Variants in DNAH14 observed in about 807,000 individuals in gnomAD.
DNAH14 encodes the protein axonemal beta dynein heavy chain 14.
DNAH14 carries 478 observed loss-of-function variants against 520.9 expected under a neutral mutation model. The observed-to-expected ratio is 0.92, with a 90% CI of 0.85 to 0.99. The LOEUF is 0.99. Ranked by LOEUF, DNAH14 falls within the 50% of genes least tolerant of loss-of-function variation. The probability of loss-of-function intolerance (pLI) is 0.00; values close to 1 mark genes in which losing one functional copy is unlikely to be tolerated. For missense variants in DNAH14, 4,831 were observed against 5,234.5 expected, an observed-to-expected ratio of 0.92 and a Z score of 2.38; for synonymous variants, 1,581 against 1,757.2, an observed-to-expected ratio of 0.90 and a Z score of 2.51.
chr1:225,244,100 T>C (rs565866034), intron 43 of DNAH14, among the ~76,000 whole-genome samples: 1 of 152,312 alleles, frequency 6.6e-6, no homozygotes, highest in African/African-American at 2.4e-5. Flanking sequence ...TCTATTGAGA[T>C]AATCATATGT....
intron 5 of DNAH14, among the ~76,000 whole-genome samples, chr1:224,966,645 A>G (rs2061186244): frequency 6.6e-6 from 1 of 152,158 alleles, no homozygotes; most frequent in Non-Finnish European, 1.5e-5. Flanking sequence ...CCATTTCCTG[A>G]ATTTGTGACT....
chr1:225,358,398 A>C, intron 73 of DNAH14, 98 bp from the exon 74 acceptor site: 1 of 1,138,628 alleles, frequency 8.8e-7, no homozygotes, highest in Middle Eastern at 3.1e-4. Context: ...TGAAAAGCTA[A>C]AAAATGAATA....
chr1:225,160,867 G>A (rs1282675672), intron 35 of DNAH14, among the ~76,000 whole-genome samples: 2 of 151,624 alleles, frequency 1.3e-5, no homozygotes, highest in African/African-American at 4.8e-5. Context: ...AAACTCTTTG[G>A]TATCTGTTTT....
intron 66 of DNAH14, 109 bp downstream of exon 66, chr1:225,333,615 AT>A (rs1367713672): frequency 5.0e-6 from 5 of 1,008,354 alleles, no homozygotes; most frequent in Non-Finnish European, 5.7e-6. Flanking sequence ...ATTTTGATAA[AT>A]GAAAATATTT....
intron 21 of DNAH14, among the ~76,000 whole-genome samples, chr1:225,091,163 C>T (rs930054923): frequency 6.6e-6 from 1 of 152,016 alleles, no homozygotes; most frequent in African/African-American, 2.4e-5. Flanking sequence ...ACTTAGAAAA[C>T]GTATTTCAGG....
intron 81 of DNAH14, among the ~76,000 whole-genome samples, chr1:225,382,433 A>G (rs1424595470): frequency 1.3e-5 from 2 of 152,174 alleles, no homozygotes; most frequent in Non-Finnish European, 2.9e-5. Flanking sequence ...CAGGCCGGGC[A>G]CAGGGCCTCA....
intron 43 of DNAH14, among the ~76,000 whole-genome samples, chr1:225,249,742 T>C (rs1350909689): frequency 6.6e-6 from 1 of 152,260 alleles, no homozygotes; most frequent in African/African-American, 2.4e-5. Flanking sequence ...CGTTCCCATT[T>C]ACAGTTAATC....
chr1:225,250,043 G>T (rs371156248), intron 43 of DNAH14, among the ~76,000 whole-genome samples: 72 of 152,330 alleles, frequency 4.7e-4, no homozygotes, highest in African/African-American at 1.6e-3. Flanking sequence ...TGCATTATAT[G>T]CAAGTCTTTC....
In DNAH14 at chr1:225,117,785, A is replaced by G; in HGVS notation, c.3969A>G (p.Val1323=). 1 of 1,545,102 alleles carries G rather than the reference A, an allele frequency of 6.5e-7. No individual in the cohort carries two copies. The highest frequency in any genetic ancestry group is 8.8e-7 in the Non-Finnish European group (1 of 1,141,686). Residue 1323 remains valine (V), a synonymous_variant, in exon 24 of 86, where the codon GTA becomes GTG. Coordinates refer to ENST00000682510, the MANE Select transcript of DNAH14 (RefSeq NM_001367479.1). ...ILADSRNPES[V]QPHLVKCFEN... Reference sequence around the variant, plus strand: ...CTGATAGCAGAAATCCTGAGTCTGTACAGGTAATAACATCTTTCTCTGCTC... The same window carrying G: ...CTGATAGCAGAAATCCTGAGTCTGTGCAGGTAATAACATCTTTCTCTGCTC...
chr1:225,115,787 A>G (rs531763049), intron 23 of DNAH14, among the ~76,000 whole-genome samples: 2 of 152,318 alleles, frequency 1.3e-5, no homozygotes, highest in South Asian at 2.1e-4. Flanking sequence ...CCATTTATTC[A>G]TGTATTGAGC....
intron 10 of DNAH14, among the ~76,000 whole-genome samples, chr1:225,021,923 A>G (rs1487088422): frequency 6.6e-6 from 1 of 152,236 alleles, no homozygotes; most frequent in African/African-American, 2.4e-5. Flanking sequence ...AAGGGTACAA[A>G]AACAGATACA....
chr1:225,136,500 C>A, intron 27 of DNAH14, among the ~76,000 whole-genome samples: 1 of 152,118 alleles, frequency 6.6e-6, no homozygotes, highest in African/African-American at 2.4e-5. Context: ...TTCTGGCTTT[C>A]AGGGTTTCCA....
intron 7 of DNAH14, among the ~76,000 whole-genome samples, chr1:224,972,403 A>G (rs893499407): frequency 1.3e-5 from 2 of 151,726 alleles, no homozygotes; most frequent in East Asian, 3.9e-4. Flanking sequence ...TCCTGGGTTC[A>G]GGCCATTCTC....
chr1:225,351,991 G>T, intron 72 of DNAH14, 108 bp downstream of exon 72: 1 of 845,072 alleles, frequency 1.2e-6, no homozygotes, highest in South Asian at 1.9e-5. Context: ...AAATTGAAGG[G>T]AGGACTATAA....
intron 1 of DNAH14, among the ~76,000 whole-genome samples, chr1:224,936,992 A>C (rs1051908165): frequency 1.3e-5 from 2 of 152,032 alleles, no homozygotes; most frequent in African/African-American, 4.8e-5. Context: ...ATTAGTTATC[A>C]AAAAGCATTT....
In DNAH14 at chr1:225,080,679, AGTATTGAT is replaced by A. The variant is rs1230077256; in HGVS notation, c.3071_3078del (p.Ile1024ArgfsTer23). The A allele has an allele frequency of 1.9e-6, 3 of 1,551,326 alleles. No homozygotes were observed. In the African/African-American group the frequency reaches 4.1e-5, roughly 21 times the overall value. On this transcript the variant is annotated frameshift_variant, in exon 19 of 86. Coordinates refer to ENST00000682510, the MANE Select transcript of DNAH14 (RefSeq NM_001367479.1). LOFTEE classifies it high-confidence loss of function. The stretch of plus-strand genomic sequence containing the variant: ...GGAATGGAGGAATAGTTCTCTTCAA[AGTATTGAT>A]GTAGAATCAGTACAGAGAAATGTTT...
chr1:224,931,743 A>G (rs2058712737), intron 1 of DNAH14, among the ~76,000 whole-genome samples: 1 of 152,218 alleles, frequency 6.6e-6, no homozygotes, highest in Admixed American at 6.5e-5. Flanking sequence ...ACTTAAGATA[A>G]TAACTTCCAG....
At chr1:225,246,750 G>T (rs1172611902) in intron 43 of DNAH14, among the ~76,000 whole-genome samples, 2 of 152,196 alleles carry the variant, frequency 1.3e-5, no homozygotes, top group African/African-American at 4.8e-5. Context: ...AGAGGATGTG[G>T]AGAAATAGGA....
rs1646622849 is a variant in DNAH14, at chr1:225,337,321, C to T, written c.10136C>T (p.Ala3379Val). The change falls in exon 67 of 86, where the codon GCC becomes GTC. Residue 3379 changes from alanine to valine, a missense_variant. Ala to Val is a moderately conservative substitution (Grantham distance 64). Coordinates refer to ENST00000682510, the MANE Select transcript of DNAH14 (RefSeq NM_001367479.1). ...CATGGTCAGTATTCAGTAGAGAATG[C>T]CATCTTGATCAAGAATGGCCAGCAG... Reference protein sequence around the residue: ...LPHGQYSVENAILIKNGQQWP... With the variant: ...LPHGQYSVENVILIKNGQQWP... 6.4e-7 allele frequency: 1 copy of T among 1,551,668 alleles called. No individual in the cohort carries two copies. The highest frequency in any genetic ancestry group is 8.7e-7 in the Non-Finnish European group (1 of 1,147,002).
Sources: allele counts gnomAD v4.1 joint callset (sites outside exome capture counted in the v4.1 genomes callset), GRCh38; gene constraint gnomAD v4.1.1; transcripts MANE v1.5; gene names NCBI Gene and HGNC (gene_info 2026-07-23, HGNC 2026-07-21).